NCK1: variants seen among roughly 807,000 people sequenced by gnomAD.
NCK1 encodes NCK adaptor protein 1.
In NCK1, 19 loss-of-function variants were observed where a neutral mutation model predicts 36.6. The observed-to-expected ratio is 0.52, with a 90% CI of 0.36 to 0.76. NCK1 has a LOEUF of 0.76. Ranked by LOEUF, NCK1 falls within the 30% of genes least tolerant of loss-of-function variation. NCK1 has a pLI of 0.00. For missense variants in NCK1, 358 were observed against 445.6 expected, an observed-to-expected ratio of 0.80 and a Z score of 1.77; for synonymous variants, 165 against 156.0, an observed-to-expected ratio of 1.06 and a Z score of -0.43.
intron 2 of NCK1, among the ~76,000 whole-genome samples, chr3:136,939,846 T>G (rs865909095): frequency 0.021 from 1,135 of 52,944 alleles, 20 homozygotes; most frequent in African/African-American, 0.06. Context: ...GGCCTTTTTT[T>G]TTTTTTTTTT....
At chr3:136,925,932 C>A (rs1196571003) in intron 1 of NCK1, among the ~76,000 whole-genome samples, 2 of 152,080 alleles carry the variant, frequency 1.3e-5, no homozygotes, top group Admixed American at 1.3e-4. Context: ...AGTATCTGTA[C>A]CATTTTACAT....
At chr3:136,912,167 T>TC (rs1553795910) in intron 1 of NCK1, among the ~76,000 whole-genome samples, 1 of 84,266 alleles carries the variant, frequency 1.2e-5, no homozygotes, top group African/African-American at 2.9e-5. Context: ...TTTTTCTTTT[T>TC]TTTTTTTTTT....
At chr3:136,880,591 TATCTC>T (rs897847256) in intron 1 of NCK1, among the ~76,000 whole-genome samples, 62 of 152,290 alleles carry the variant, frequency 4.1e-4, no homozygotes, top group African/African-American at 1.3e-3. Flanking sequence ...TGCCACTTGA[TATCTC>T]ATGGATCTTG....
rs116762761 is a variant in NCK1, at chr3:136,894,429, C to A, written c.-19+32076C>A. On this transcript the variant is annotated intron_variant, in intron 1 of 3. Transcript: ENST00000481752. Reference sequence around the variant, plus strand: ...TCCCAAATGACCAGCAGAATGACTTCTTAATCGAGCTTTTAATTTAATGCA... The same window carrying A: ...TCCCAAATGACCAGCAGAATGACTTATTAATCGAGCTTTTAATTTAATGCA... Among the ~76,000 whole-genome samples the A allele has an allele frequency of 6.9e-3, 1,053 of 152,298 alleles. 14 individuals are homozygous for A. The highest frequency in any genetic ancestry group is 0.023 in the African/African-American group (972 of 41,546).
intron 1 of NCK1, among the ~76,000 whole-genome samples, chr3:136,890,421 C>CAGT: frequency 2.0e-5 from 3 of 152,294 alleles, no homozygotes; most frequent in South Asian, 2.1e-4. Flanking sequence ...CAGGCTCTGC[C>CAGT]CTTGGCCAGC....
chr3:136,873,632 A>G (rs944215205), intron 1 of NCK1, among the ~76,000 whole-genome samples: 2 of 152,088 alleles, frequency 1.3e-5, no homozygotes, highest in African/African-American at 4.8e-5. Flanking sequence ...CTGTGTCCCC[A>G]CCCATATTTC....
Position 136,937,107 on chromosome 3 carries a change from G to C in NCK1, c.227-8476G>C, listed in dbSNP as rs142469379. Among the ~76,000 whole-genome samples, 437 of 152,310 alleles carry C rather than the reference G, an allele frequency of 2.9e-3. 3 individuals carry two copies. Among genetic ancestry groups the C allele is most frequent in the African/African-American group, 0.01 (418 of 41,576 alleles). On this transcript the variant is annotated intron_variant, in intron 2 of 3. Coordinates refer to ENST00000481752, the MANE Select transcript of NCK1 (RefSeq NM_001291999.2). The stretch of plus-strand genomic sequence containing the variant: ...CTAAGAGTTTTATAGTTTTAGCTCT[G>C]ACATTTGGTCATTTCGAGTTAATTT...
chr3:136,945,481 T>C (rs1056414752), intron 2 of NCK1, 102 bp from the exon 3 acceptor site: 1 of 800,568 alleles, frequency 1.2e-6, no homozygotes, highest in Non-Finnish European at 1.9e-6. Flanking sequence ...GCTTTAAAGA[T>C]CTATATAGAG....
chr3:136,878,388 G>A (rs1230697878), intron 1 of NCK1, among the ~76,000 whole-genome samples: 2 of 152,166 alleles, frequency 1.3e-5, no homozygotes, highest in Non-Finnish European at 2.9e-5. Flanking sequence ...TAGCCAGGGC[G>A]ACAGAGTGGG....
At chr3:136,871,462 A>C (rs1938616286) in intron 1 of NCK1, among the ~76,000 whole-genome samples, 1 of 152,154 alleles carries the variant, frequency 6.6e-6, no homozygotes, top group South Asian at 2.1e-4. Context: ...AAACTGCACA[A>C]ATTTAAATGT....
chr3:136,870,341 C>A (rs368357832), intron 1 of NCK1, among the ~76,000 whole-genome samples: 14 of 146,484 alleles, frequency 9.6e-5, no homozygotes, highest in Non-Finnish European at 7.5e-5. Flanking sequence ...GACTTAATCT[C>A]AAAAAAAAAA....
chr3:136,887,431 A>G (rs190698294), intron 1 of NCK1, among the ~76,000 whole-genome samples: 10 of 152,344 alleles, frequency 6.6e-5, no homozygotes, highest in Admixed American at 5.2e-4. Flanking sequence ...ATAAAGGATA[A>G]GTTAAAAGGG....
At position 136,931,571 on chromosome 3, in the gene NCK1, T is replaced by G. The variant is rs1940391714; in HGVS notation, c.226+3344T>G. Among the ~76,000 whole-genome samples, 3 of 152,320 alleles carry G rather than the reference T, an allele frequency of 2.0e-5. No individual in the cohort carries two copies. In the South Asian group the frequency reaches 6.2e-4, roughly 32 times the overall value. On this transcript the variant is annotated intron_variant, in intron 2 of 3. Coordinates refer to ENST00000481752, the MANE Select transcript of NCK1 (RefSeq NM_001291999.2). ...TACTAAAATTTCAGATCTTTGCATT[T>G]TTCATTTTTTGGGTAAGTTTTACCT...
chr3:136,886,589 C>T (rs1049779118), intron 1 of NCK1, among the ~76,000 whole-genome samples: 4 of 151,844 alleles, frequency 2.6e-5, no homozygotes, highest in African/African-American at 9.7e-5. Flanking sequence ...TTCATAGATG[C>T]GGAACCCATA....
chr3:136,870,027 AG>A (rs1938561293), intron 1 of NCK1, among the ~76,000 whole-genome samples: 1 of 76,898 alleles, frequency 1.3e-5, no homozygotes, highest in Non-Finnish European at 2.6e-5. Flanking sequence ...GTTTCTCAAA[AG>A]TTTTTTTTTT....
At chr3:136,878,018 C>G (rs1016685914) in intron 1 of NCK1, among the ~76,000 whole-genome samples, 12 of 152,158 alleles carry the variant, frequency 7.9e-5, no homozygotes, top group East Asian at 1.9e-4. Flanking sequence ...CATGTTATAA[C>G]ATGATGAACC....
chr3:136,864,608 G>A (rs938725368), intron 1 of NCK1, among the ~76,000 whole-genome samples: 18 of 152,244 alleles, frequency 1.2e-4, no homozygotes, highest in Non-Finnish European at 2.1e-4. Flanking sequence ...GCCAAGGCGG[G>A]AGGATAGCTG....
At chr3:136,871,494 A>T (rs1037884256) in intron 1 of NCK1, among the ~76,000 whole-genome samples, 1 of 152,238 alleles carries the variant, frequency 6.6e-6, no homozygotes, top group Non-Finnish European at 1.5e-5. Context: ...ATATTTGTAG[A>T]TATCTGTGTA....
At chr3:136,921,588 A>G (rs1202227907) in intron 1 of NCK1, among the ~76,000 whole-genome samples, 1 of 152,234 alleles carries the variant, frequency 6.6e-6, no homozygotes, top group Non-Finnish European at 1.5e-5. Context: ...GTGTTGGTCC[A>G]TAACTAGAAT....
Sources: gnomAD v4.1 joint callset for allele counts (sites outside exome capture counted in the v4.1 genomes callset) on GRCh38, gnomAD v4.1.1 for gene constraint, MANE v1.5 for transcripts, NCBI Gene and HGNC (gene_info 2026-07-23, HGNC 2026-07-21) for gene names.